Variants in KLF7 observed in about 807,000 individuals in gnomAD.
The protein encoded by KLF7 is Krueppel-like factor 7.
Under a neutral mutation model 27.3 loss-of-function variants are expected in KLF7, and 2 were observed. The observed-to-expected ratio is 0.07, with a 90% CI of 0.03 to 0.23. KLF7 has a LOEUF of 0.23. Ranked by LOEUF, KLF7 falls within the 10% of genes least tolerant of loss-of-function variation. The probability of loss-of-function intolerance (pLI) is 1.00; values close to 1 mark genes in which losing one functional copy is unlikely to be tolerated. For synonymous variants in KLF7, 165 were observed against 162.4 expected, an observed-to-expected ratio of 1.02 and a Z score of -0.12; for missense variants, 221 against 394.1, an observed-to-expected ratio of 0.56 and a Z score of 3.72.
chr2:207,109,480 T>C lies in KLF7; in HGVS notation c.733+14294A>G, dbSNP rs796306638. The stretch of plus-strand genomic sequence containing the variant: ...CAGTGAAATCTTTGAAAAATGATTC[T>C]TTCAGCCTCAGTTCCCTTATTTGTA... On this transcript the variant is annotated intron_variant, in intron 2 of 3. Coordinates refer to ENST00000309446, the MANE Select transcript of KLF7 (RefSeq NM_003709.4). Among the ~76,000 whole-genome samples the C allele has an allele frequency of 1.9e-4, 29 of 152,360 alleles. 1 individual carries two copies. The highest frequency in any genetic ancestry group is 7.0e-4 in the African/African-American group (29 of 41,578).
intron 3 of KLF7, among the ~76,000 whole-genome samples, chr2:207,084,639 A>G (rs2076346361): frequency 6.6e-6 from 1 of 152,192 alleles, no homozygotes; most frequent in Non-Finnish European, 1.5e-5. Context: ...TGATTAACTT[A>G]TACTTATTAA....
At position 207,082,604 on chromosome 2, in the gene KLF7, A is replaced by G. The variant is rs372886447; in HGVS notation, c.858-1340T>C. Among the ~76,000 whole-genome samples, 6 of 152,314 alleles carry G rather than the reference A, an allele frequency of 3.9e-5. No homozygotes were observed. The East Asian group carries it at 7.7e-4, about 20-fold the overall frequency. On this transcript the variant is annotated intron_variant, in intron 3 of 3. Coordinates refer to ENST00000309446, the MANE Select transcript of KLF7 (RefSeq NM_003709.4). ...CAGGTTCTGAATGAAATCCCAGTGAAGTCAGCCTACATGACAGCAGTCATT... is the reference window on the plus strand; with the variant it reads ...CAGGTTCTGAATGAAATCCCAGTGAGGTCAGCCTACATGACAGCAGTCATT...
intron 1 of KLF7, among the ~76,000 whole-genome samples, chr2:207,144,613 G>A (rs2078044219): frequency 1.3e-5 from 2 of 152,126 alleles, no homozygotes; most frequent in South Asian, 4.1e-4. Flanking sequence ...GGGTGGCTCA[G>A]TCTTCCCCTT....
chr2:207,094,469 C>G (rs1453754763), intron 2 of KLF7, among the ~76,000 whole-genome samples: 1 of 152,108 alleles, frequency 6.6e-6, no homozygotes, highest in Non-Finnish European at 1.5e-5. Flanking sequence ...GAAAAGAAAA[C>G]TGGAAAAGAG....
intron 2 of KLF7, among the ~76,000 whole-genome samples, chr2:207,114,938 G>C (rs913240435): frequency 3.9e-5 from 6 of 152,062 alleles, no homozygotes; most frequent in Non-Finnish European, 1.5e-5. Flanking sequence ...TTATTTGCCT[G>C]AAAACAATAT....
At chr2:207,146,050 T>C (rs1416885806) in intron 1 of KLF7, among the ~76,000 whole-genome samples, 2 of 152,214 alleles carry the variant, frequency 1.3e-5, no homozygotes, top group Non-Finnish European at 2.9e-5. Context: ...CCCTTGCTGA[T>C]GGGTGATGGA....
intron 1 of KLF7, among the ~76,000 whole-genome samples, chr2:207,149,548 G>C (rs933366642): frequency 2.6e-5 from 4 of 152,224 alleles, no homozygotes; most frequent in African/African-American, 9.6e-5. Context: ...AAGACATCGG[G>C]AGAGCCTCTC....
At position 207,077,033 on chromosome 2, in the gene KLF7, C is replaced by G. The variant is rs1243888977; in HGVS notation, c.*4180G>C. The G allele has an allele frequency of 6.6e-6, 1 of 152,220 alleles. No homozygotes were observed. Among genetic ancestry groups the G allele is most frequent in the African/African-American group, 2.4e-5 (1 of 41,454 alleles). 9.4% of individuals were successfully genotyped at this position (152,220 alleles called of 1,614,324 possible). ...TTAAATGTGTTGCATCTTTATCTTACTTTGCCTACCTTCTTCCTGCTCCTA... is the reference window on the plus strand; with the variant it reads ...TTAAATGTGTTGCATCTTTATCTTAGTTTGCCTACCTTCTTCCTGCTCCTA... On this transcript the variant is annotated 3_prime_UTR_variant, in exon 4 of 4. Coordinates refer to ENST00000309446, the MANE Select transcript of KLF7 (RefSeq NM_003709.4).
At chr2:207,087,276 G>A (rs1312181707) in intron 3 of KLF7, among the ~76,000 whole-genome samples, 1 of 151,926 alleles carries the variant, frequency 6.6e-6, no homozygotes, top group Admixed American at 6.6e-5. Flanking sequence ...AGTACTTAGA[G>A]AATGAAGATA....
chr2:207,123,666 T>G, intron 2 of KLF7, 108 bp downstream of exon 2: 1 of 1,238,352 alleles, frequency 8.1e-7, no homozygotes, highest in South Asian at 1.5e-5. Flanking sequence ...GTCTATCACC[T>G]CCTCATCAGC....
At chr2:207,143,687 GCTACTGCTTCTGTGGCTA>G (rs2078009830) in intron 1 of KLF7, among the ~76,000 whole-genome samples, 1 of 152,166 alleles carries the variant, frequency 6.6e-6, no homozygotes, top group Non-Finnish European at 1.5e-5. Context: ...TGGCTATGGA[GCTACTGCTTCTGTGGCTA>G]CTACTCAGAT....
intron 1 of KLF7, among the ~76,000 whole-genome samples, chr2:207,159,036 C>T (rs142415109): frequency 1.4e-3 from 216 of 152,264 alleles, no homozygotes; most frequent in African/African-American, 4.9e-3. Flanking sequence ...TTGAGGAAAC[C>T]AAGACCCTTT....
At chr2:207,129,695 C>T (rs1437389869) in intron 1 of KLF7, among the ~76,000 whole-genome samples, 1 of 152,250 alleles carries the variant, frequency 6.6e-6, no homozygotes, top group East Asian at 1.9e-4. Context: ...TTACTGCCTA[C>T]TACATCTATG....
At chr2:207,173,795 C>G in the KLF7 span, 1 of 152,110 alleles carries the variant, frequency 6.6e-6, no homozygotes, top group African/African-American at 2.4e-5. Context: ...AACAAAAATT[C>G]ACCTACCATC....
chr2:207,166,870 G>C, upstream of KLF7: 2 of 1,074,130 alleles, frequency 1.9e-6, no homozygotes, highest in East Asian at 5.4e-5. Flanking sequence ...AGAGAACAAA[G>C]GGGAGCGGAG....
intron 2 of KLF7, among the ~76,000 whole-genome samples, chr2:207,101,014 T>C (rs979422136): frequency 1.3e-5 from 2 of 152,182 alleles, no homozygotes; most frequent in African/African-American, 4.8e-5. Context: ...CATCAGACCA[T>C]CAAAATCCAA....
At chr2:207,117,710 C>T (rs571173605) in intron 2 of KLF7, among the ~76,000 whole-genome samples, 1 of 152,284 alleles carries the variant, frequency 6.6e-6, no homozygotes, top group East Asian at 1.9e-4. Flanking sequence ...GCTGATATGC[C>T]TGACCTTGAA....
chr2:207,154,502 T>A (rs1400672335), intron 1 of KLF7, among the ~76,000 whole-genome samples: 2 of 152,158 alleles, frequency 1.3e-5, no homozygotes, highest in African/African-American at 4.8e-5. Context: ...TTAATGAAAG[T>A]TTCCCTTGTG....
intron 2 of KLF7, among the ~76,000 whole-genome samples, chr2:207,093,285 G>A (rs562547343): frequency 1.3e-4 from 20 of 152,272 alleles, no homozygotes; most frequent in Non-Finnish European, 2.5e-4. Context: ...ATCGTTCTCA[G>A]AAAAAAAGTC....
Sources: gnomAD v4.1 joint callset for allele counts (sites outside exome capture counted in the v4.1 genomes callset) on GRCh38, gnomAD v4.1.1 for gene constraint, MANE v1.5 for transcripts, NCBI Gene and HGNC (gene_info 2026-07-23, HGNC 2026-07-21) for gene names.